The following FRMD3 variants were observed in gnomAD, a reference collection of about 807,000 sequenced individuals.
The protein encoded by FRMD3 is FERM domain-containing protein 3.
Under a neutral mutation model 70.2 loss-of-function variants are expected in FRMD3, and 33 were observed. The ratio of observed to expected loss-of-function variants is 0.47; its 90% confidence interval spans 0.36 to 0.63. The LOEUF is 0.63. Ranked by LOEUF, FRMD3 falls within the 20% of genes least tolerant of loss-of-function variation. FRMD3 has a pLI of 0.00. For missense variants in FRMD3, 632 were observed against 711.4 expected, an observed-to-expected ratio of 0.89 and a Z score of 1.27; for synonymous variants, 279 against 255.9, an observed-to-expected ratio of 1.09 and a Z score of -0.86.
At chr9:83,357,226 T>TTATA (rs1326874231) in intron 3 of FRMD3, among the ~76,000 whole-genome samples, 1 of 15,318 alleles carries the variant, frequency 6.5e-5, no homozygotes, top group Non-Finnish European at 1.0e-4. Flanking sequence ...TATATATATT[T>TTATA]TATATATATA....
intron 1 of FRMD3, among the ~76,000 whole-genome samples, chr9:83,416,849 G>A (rs1176650937): frequency 6.7e-6 from 1 of 149,148 alleles, no homozygotes; most frequent in African/African-American, 2.5e-5. Context: ...AGCAGGAATA[G>A]TGTTCACTAT....
the FRMD3 span, among the ~76,000 whole-genome samples, chr9:83,545,606 C>T: frequency 1.3e-5 from 2 of 152,046 alleles, no homozygotes; most frequent in Non-Finnish European, 2.9e-5. Context: ...ATCTGCCCCC[C>T]TCGGCCTCCC....
At chr9:83,462,593 G>T (rs149408749) in intron 1 of FRMD3, among the ~76,000 whole-genome samples, 1 of 152,078 alleles carries the variant, frequency 6.6e-6, no homozygotes, top group Admixed American at 6.5e-5. Context: ...CCGCTTTCCA[G>T]GTTCCTGGAA....
chr9:83,325,440 C>G (rs11140027), intron 6 of FRMD3, among the ~76,000 whole-genome samples: 1 of 151,370 alleles, frequency 6.6e-6, no homozygotes, highest in Admixed American at 6.6e-5. Context: ...GATCCTCCCA[C>G]CTCAGCCTCC....
At chr9:83,407,964 G>A (rs972828475) in intron 1 of FRMD3, among the ~76,000 whole-genome samples, 7 of 145,198 alleles carry the variant, frequency 4.8e-5, no homozygotes, top group Admixed American at 2.8e-4. Context: ...CTCCATGTGT[G>A]TAGCTAGCTT....
At position 83,317,783 on chromosome 9, in the gene FRMD3, C is replaced by A. The variant is rs892968495; in HGVS notation, c.597-4036G>T. On this transcript the variant is annotated intron_variant, in intron 6 of 13. Transcript: ENST00000304195. ...GCAGCAGGGTACCAGTGCTACACAGCCCCTGAGGACACACCCTTAAACTCT... is the reference window on the plus strand; with the variant it reads ...GCAGCAGGGTACCAGTGCTACACAGACCCTGAGGACACACCCTTAAACTCT... Among the ~76,000 whole-genome samples the A allele has an allele frequency of 2.0e-5, 3 of 152,268 alleles. No homozygotes were observed. In the East Asian group the frequency reaches 5.8e-4, roughly 29 times the overall value.
chr9:83,342,492 A>G (rs1281801837), intron 5 of FRMD3, among the ~76,000 whole-genome samples: 1 of 152,204 alleles, frequency 6.6e-6, no homozygotes, highest in Admixed American at 6.5e-5. Flanking sequence ...AGCTTAGGTA[A>G]CTTGGTAACT....
At chr9:83,356,954 T>C (rs1292196830) in intron 3 of FRMD3, among the ~76,000 whole-genome samples, 1 of 151,542 alleles carries the variant, frequency 6.6e-6, no homozygotes, top group Non-Finnish European at 1.5e-5. Flanking sequence ...GTAGCTTAGC[T>C]CATAGCTTAG....
intron 4 of FRMD3, among the ~76,000 whole-genome samples, chr9:83,348,721 C>A (rs973576142): frequency 6.6e-6 from 1 of 151,982 alleles, no homozygotes; most frequent in Non-Finnish European, 1.5e-5. Flanking sequence ...CTCATTTCCA[C>A]ACACACACAC....
chr9:83,349,135 C>G (rs117349226), intron 4 of FRMD3, among the ~76,000 whole-genome samples: 1 of 152,122 alleles, frequency 6.6e-6, no homozygotes, highest in Non-Finnish European at 1.5e-5. Context: ...CCAGAAGGTA[C>G]GCTGAAGCTG....
chr9:83,270,177 T>TTGTCTGAGAATTGGGAATGCA (rs1833485874), intron 13 of FRMD3, among the ~76,000 whole-genome samples: 1 of 152,232 alleles, frequency 6.6e-6, no homozygotes, highest in Admixed American at 6.5e-5. Flanking sequence ...ATTCATTTGT[T>TTGTCTGAGAATTGGGAATGCA]TGTCTGAGAA....
At chr9:83,424,427 G>A (rs1165960599) in intron 1 of FRMD3, among the ~76,000 whole-genome samples, 1 of 152,176 alleles carries the variant, frequency 6.6e-6, no homozygotes, top group African/African-American at 2.4e-5. Flanking sequence ...ATCTGCAATG[G>A]AGATTTCCTT....
chr9:83,252,733 A>G (rs748912920), intron 13 of FRMD3, among the ~76,000 whole-genome samples: 1 of 152,230 alleles, frequency 6.6e-6, no homozygotes, highest in Non-Finnish European at 1.5e-5. Flanking sequence ...GATTCTGACA[A>G]AACAGACTTT....
chr9:83,580,682 T>C, the FRMD3 span, among the ~76,000 whole-genome samples: 1 of 151,882 alleles, frequency 6.6e-6, no homozygotes, highest in African/African-American at 2.4e-5. Context: ...ACAGGAACAA[T>C]AAGTTTTGAG....
At chr9:83,431,003 T>TTGTA (rs1349556658) in intron 1 of FRMD3, among the ~76,000 whole-genome samples, 2 of 152,232 alleles carry the variant, frequency 1.3e-5, no homozygotes, top group Non-Finnish European at 2.9e-5. Flanking sequence ...TGAGGTCTTA[T>TTGTA]TGTAATTCCG....
intron 1 of FRMD3, among the ~76,000 whole-genome samples, chr9:83,437,375 C>A (rs1172808334): frequency 6.6e-6 from 1 of 152,192 alleles, no homozygotes; most frequent in Non-Finnish European, 1.5e-5. Context: ...TTACCATAAA[C>A]CAGCTTTGCC....
chr9:83,355,131 G>A (rs11140045), intron 3 of FRMD3, among the ~76,000 whole-genome samples: 39,198 of 152,096 alleles, frequency 0.26, 6,329 homozygotes, highest in Non-Finnish European at 0.35. Context: ...CCCTTGTGCA[G>A]CGATGACTAA....
chr9:83,251,936 G>A (rs899013615), intron 13 of FRMD3, among the ~76,000 whole-genome samples: 1 of 152,184 alleles, frequency 6.6e-6, no homozygotes, highest in African/African-American at 2.4e-5. Flanking sequence ...ATGGAACCAA[G>A]TTAGAAAATA....
At chr9:83,311,999 A>G (rs1564009234) in intron 7 of FRMD3, 24 bp from the exon 8 acceptor site, 1 of 1,518,042 alleles carries the variant, frequency 6.6e-7, no homozygotes, top group Admixed American at 2.0e-5. Context: ...AAAAGAAAAA[A>G]GAAAAATCTG....
Sources: gnomAD v4.1 joint callset for allele counts (sites outside exome capture counted in the v4.1 genomes callset) on GRCh38, gnomAD v4.1.1 for gene constraint, MANE v1.5 for transcripts, NCBI Gene and HGNC (gene_info 2026-07-23, HGNC 2026-07-21) for gene names.